The following ANK1 variants were observed in gnomAD, a reference collection of about 807,000 sequenced individuals.
ANK1 encodes ankyrin-1.
ANK1 carries 51 observed loss-of-function variants against 210.4 expected under a neutral mutation model. The observed-to-expected ratio is 0.24, with a 90% CI of 0.19 to 0.31. ANK1 has a LOEUF of 0.31. Ranked by LOEUF, ANK1 falls within the 10% of genes least tolerant of loss-of-function variation. ANK1 has a pLI of 1.00. For missense variants in ANK1, 2,051 were observed against 2,504.4 expected, an observed-to-expected ratio of 0.82 and a Z score of 3.86; for synonymous variants, 967 against 1,025.9, an observed-to-expected ratio of 0.94 and a Z score of 1.10.
chr8:41,696,857 C>G (rs548397036), intron 24 of ANK1, 84 bp from the exon 25 acceptor site: 3 of 1,330,632 alleles, frequency 2.3e-6, no homozygotes, highest in East Asian at 2.4e-5. Context: ...CTTGGAAGAA[C>G]CTTGCCGCTA....
intron 1 of ANK1, among the ~76,000 whole-genome samples, chr8:41,773,721 C>A (rs1340095764): frequency 1.3e-5 from 2 of 152,114 alleles, no homozygotes; most frequent in East Asian, 3.9e-4. Context: ...GTTCTGGAAC[C>A]CCCGCTCCCT....
intron 1 of ANK1, among the ~76,000 whole-genome samples, chr8:41,880,962 G>A (rs1386246566): frequency 6.6e-6 from 1 of 152,276 alleles, no homozygotes; most frequent in South Asian, 2.1e-4. Flanking sequence ...TGTCTTCTCA[G>A]AGTTCCTCTC....
rs138979280 is a variant in ANK1, at chr8:41,698,407, T to G, written c.2559-286A>C. The stretch of plus-strand genomic sequence containing the variant: ...CATGACCACTTGGTGTGCATTTCGA[T>G]CCCACCAAATGAGTCCGTAAGTTGC... On this transcript the variant is annotated intron_variant, in intron 23 of 42. Transcript: ENST00000289734. Among the ~76,000 whole-genome samples, 891 of 152,310 alleles carry G rather than the reference T, an allele frequency of 5.8e-3. 10 individuals carry two copies. The highest frequency in any genetic ancestry group is 0.021 in the African/African-American group (861 of 41,556).
intron 1 of ANK1, among the ~76,000 whole-genome samples, chr8:41,885,742 G>A (rs1424817466): frequency 2.6e-5 from 4 of 152,184 alleles, no homozygotes; most frequent in Non-Finnish European, 5.9e-5. Context: ...CTTGCAAATG[G>A]CATTACAATG....
intron 1 of ANK1, among the ~76,000 whole-genome samples, chr8:41,784,439 T>C (rs967382149): frequency 6.6e-6 from 1 of 152,254 alleles, no homozygotes; most frequent in Non-Finnish European, 1.5e-5. Context: ...CGTTAGTATA[T>C]TAAGTATTCA....
chr8:41,875,209 C>A (rs1816331959), intron 1 of ANK1, among the ~76,000 whole-genome samples: 1 of 152,212 alleles, frequency 6.6e-6, no homozygotes, highest in Non-Finnish European at 1.5e-5. Context: ...GGGGCTCCTG[C>A]ACCTCTTGTC....
At chr8:41,840,164 AC>A (rs1465418496) in intron 1 of ANK1, 4 of 151,968 alleles carry the variant, frequency 2.6e-5, no homozygotes, top group African/African-American at 9.7e-5. Flanking sequence ...TCCATTTCCA[AC>A]CCAGGTTGGT....
intron 1 of ANK1, among the ~76,000 whole-genome samples, chr8:41,812,340 G>A (rs192934570): frequency 6.6e-6 from 1 of 152,108 alleles, no homozygotes; most frequent in Admixed American, 6.5e-5. Flanking sequence ...CAAAATATGA[G>A]ACTCAAAGAA....
chr8:41,802,191 C>T (rs1371572509), upstream of ANK1, among the ~76,000 whole-genome samples: 12 of 152,062 alleles, frequency 7.9e-5, no homozygotes, highest in African/African-American at 2.2e-4. Flanking sequence ...GGTGTCACCA[C>T]GTTGGTCAGG....
Position 41,655,494 on chromosome 8 carries a change from C to T in ANK1, c.*296G>A, listed in dbSNP as rs1172756101. 1.9e-6 allele frequency: 1 copy of T among 536,850 alleles called. No individual in the cohort carries two copies. The highest frequency in any genetic ancestry group is 3.3e-6 in the Non-Finnish European group (1 of 302,072). The allele number at this position is 536,850 out of a possible 1,614,324, so 33.3% of individuals were successfully genotyped here. ...TCCTGCGCTTGTTTTCTATCCCTCT[C>T]TCTCCCCGCTTCTTGCTGCTTTTGT... On this transcript the variant is annotated 3_prime_UTR_variant, in exon 43 of 43. Coordinates refer to ENST00000289734, the MANE Select transcript of ANK1 (RefSeq NM_000037.4).
chr8:41,890,571 T>C (rs935030382), intron 1 of ANK1, among the ~76,000 whole-genome samples: 1 of 152,014 alleles, frequency 6.6e-6, no homozygotes, highest in Non-Finnish European at 1.5e-5. Context: ...TAGCCAGGCA[T>C]GGTGACACGC....
intron 1 of ANK1, among the ~76,000 whole-genome samples, chr8:41,842,799 A>G (rs1358621762): frequency 6.6e-6 from 1 of 152,132 alleles, no homozygotes; most frequent in Non-Finnish European, 1.5e-5. Context: ...TGAATCTATT[A>G]TTTAGATTAT....
intron 32 of ANK1, 38 bp from the exon 33 acceptor site, chr8:41,690,384 T>C (rs776699380): frequency 1.2e-6 from 2 of 1,614,184 alleles, no homozygotes; most frequent in Non-Finnish European, 1.7e-6. Context: ...CAGGGGCCCT[T>C]TTCTAGGCCA....
intron 42 of ANK1, chr8:41,660,371 G>A (rs975704046): frequency 4.3e-6 from 2 of 464,188 alleles, no homozygotes; most frequent in East Asian, 7.0e-5. Context: ...GGGTGTGAAT[G>A]GTAACGGCCT....
chr8:41,862,342 G>A (rs961585667), intron 1 of ANK1, among the ~76,000 whole-genome samples: 4 of 152,158 alleles, frequency 2.6e-5, no homozygotes, highest in Non-Finnish European at 5.9e-5. Flanking sequence ...GTGAGGCTGA[G>A]CTGAAATGCA....
At chr8:41,847,387 C>T (rs937954785) in intron 1 of ANK1, among the ~76,000 whole-genome samples, 10 of 152,178 alleles carry the variant, frequency 6.6e-5, no homozygotes, top group African/African-American at 2.4e-4. Flanking sequence ...TTTCACTGGC[C>T]AGAATCAGTC....
At chr8:41,718,653 ATG>A (rs1425971479) in intron 10 of ANK1, among the ~76,000 whole-genome samples, 1 of 152,206 alleles carries the variant, frequency 6.6e-6, no homozygotes, top group Admixed American at 6.5e-5. Context: ...AAGGGCAGAA[ATG>A]TGTATTTGTT....
chr8:41,706,881 C>G (rs965814572), intron 17 of ANK1, among the ~76,000 whole-genome samples: 3 of 152,130 alleles, frequency 2.0e-5, no homozygotes, highest in Admixed American at 6.5e-5. Context: ...GGTGGATCAC[C>G]TGAGGTCAGG....
At chr8:41,807,958 A>AGAGGAGGAGGGGAG (rs771780586) in intron 1 of ANK1, among the ~76,000 whole-genome samples, 5 of 141,462 alleles carry the variant, frequency 3.5e-5, no homozygotes, top group Admixed American at 1.4e-4. Flanking sequence ...GAGGAGGGGA[A>AGAGGAGGAGGGGAG]GAGGAGGAGG....
Sources: gnomAD v4.1 joint callset for allele counts (sites outside exome capture counted in the v4.1 genomes callset) on GRCh38, gnomAD v4.1.1 for gene constraint, MANE v1.5 for transcripts, NCBI Gene and HGNC (gene_info 2026-07-23, HGNC 2026-07-21) for gene names.